The following CCDC14 variants were observed in gnomAD, a reference collection of about 807,000 sequenced individuals.
The protein encoded by CCDC14 is coiled-coil domain-containing protein 14.
CCDC14 carries 71 observed loss-of-function variants against 81.4 expected under a neutral mutation model. That is an observed-to-expected ratio of 0.87 (90% confidence interval 0.72 to 1.06). The LOEUF is 1.06. Among genes scored for constraint, CCDC14 ranks in the 50% least tolerant of loss-of-function variants. The probability of loss-of-function intolerance (pLI) is 0.00; values close to 1 mark genes in which losing one functional copy is unlikely to be tolerated. For missense variants in CCDC14, 1,046 were observed against 1,047.3 expected (o/e 1.00, Z 0.02); for synonymous variants, 332 against 364.8 (o/e 0.91, Z 1.03).
chr3:123,889,819 C>T, the CCDC14 span, among the ~76,000 whole-genome samples: 1 of 152,222 alleles, frequency 6.6e-6, no homozygotes, highest in Admixed American at 6.5e-5. Flanking sequence ...TGGAGGTTCT[C>T]CATAAGGCCT....
chr3:123,923,017 T>C (rs2035145244), intron 12 of CCDC14, among the ~76,000 whole-genome samples: 2 of 151,984 alleles, frequency 1.3e-5, no homozygotes, highest in East Asian at 3.9e-4. Flanking sequence ...GAACACAGAC[T>C]TAAAAAACCC....
chr3:123,926,468 CTA>C (rs1280399808), intron 12 of CCDC14, among the ~76,000 whole-genome samples: 1 of 150,192 alleles, frequency 6.7e-6, no homozygotes, highest in Non-Finnish European at 1.5e-5. Flanking sequence ...ATTTAAATAA[CTA>C]TGAGTACTTG....
chr3:123,937,800 A>G (rs998928701), intron 9 of CCDC14, among the ~76,000 whole-genome samples: 10 of 151,880 alleles, frequency 6.6e-5, no homozygotes, highest in Admixed American at 5.9e-4. Context: ...TAGTTTATAC[A>G]TTAAGATCTG....
the CCDC14 span, among the ~76,000 whole-genome samples, chr3:123,888,421 A>T: frequency 6.6e-6 from 1 of 152,202 alleles, no homozygotes; most frequent in Admixed American, 6.5e-5. Context: ...CAAAAAATAT[A>T]TATGGTGGCT....
intron 9 of CCDC14, among the ~76,000 whole-genome samples, chr3:123,939,848 G>A (rs1486988140): frequency 6.6e-6 from 1 of 151,800 alleles, no homozygotes; most frequent in Non-Finnish European, 1.5e-5. Flanking sequence ...AACTTACGAG[G>A]AAGTAAGAAA....
At chr3:123,913,326 C>T, downstream of CCDC14, 1 of 960,302 alleles carries the variant, frequency 1.0e-6, no homozygotes, top group South Asian at 4.8e-5. Context: ...ATGGCTGTTC[C>T]ATGTTAAGGG....
downstream of CCDC14, among the ~76,000 whole-genome samples, chr3:123,896,062 C>T (rs1286716002): frequency 2.0e-5 from 3 of 152,160 alleles, no homozygotes; most frequent in East Asian, 1.9e-4. Flanking sequence ...TGTGGTGCTA[C>T]GGTTTGAATA....
chr3:123,953,572 ACTTACTAG>A (rs1471075759), intron 5 of CCDC14: 2 of 152,218 alleles, frequency 1.3e-5, no homozygotes, highest in Non-Finnish European at 2.9e-5. Context: ...AGTAAGACTA[ACTTACTAG>A]CTTGTAAGAG....
rs372987415 is a variant in CCDC14 at position 123,948,681 on chromosome 3, C to A, written c.684+10G>T. On this transcript the variant is annotated intron_variant, in intron 7 of 12. Transcript: ENST00000409697. ...AATAGTTACTTATGTAGTATAAGAACTGTACGCACAGAATGAACCTTTGGA... is the reference window on the plus strand; with the variant it reads ...AATAGTTACTTATGTAGTATAAGAAATGTACGCACAGAATGAACCTTTGGA... The A allele has an allele frequency of 1.9e-6, 3 of 1,585,334 alleles. No homozygotes were observed. The highest frequency in any genetic ancestry group is 2.6e-6 in the Non-Finnish European group (3 of 1,167,304).
intron 12 of CCDC14, among the ~76,000 whole-genome samples, chr3:123,917,229 C>T (rs980253822): frequency 6.6e-6 from 1 of 151,250 alleles, no homozygotes; most frequent in Non-Finnish European, 1.5e-5. Context: ...CATGGTGGCT[C>T]ATGCCTGTAA....
the CCDC14 span, among the ~76,000 whole-genome samples, chr3:123,890,240 G>A: frequency 1.3e-5 from 2 of 152,230 alleles, no homozygotes; most frequent in African/African-American, 2.4e-5. Context: ...TTTGGGTGGG[G>A]ACACAGAGCC....
the CCDC14 span, among the ~76,000 whole-genome samples, chr3:123,887,749 C>A: frequency 6.6e-6 from 1 of 152,108 alleles, no homozygotes; most frequent in Non-Finnish European, 1.5e-5. Flanking sequence ...AATGTGGTTT[C>A]AAATACATAT....
intron 5 of CCDC14, 200 bp from the exon 6 acceptor site, chr3:123,949,332 C>A: frequency 1.8e-6 from 1 of 560,100 alleles, no homozygotes; most frequent in East Asian, 2.9e-5. Context: ...TTTCCCCAGT[C>A]AAAAATCATC....
At chr3:123,923,494 T>G (rs977710153) in intron 12 of CCDC14, among the ~76,000 whole-genome samples, 5 of 152,030 alleles carry the variant, frequency 3.3e-5, no homozygotes, top group Non-Finnish European at 7.4e-5. Flanking sequence ...AATTGTCTGT[T>G]TGCTGACACG....
chr3:123,918,793 C>T (rs1031113409), intron 12 of CCDC14, among the ~76,000 whole-genome samples: 14 of 152,288 alleles, frequency 9.2e-5, no homozygotes, highest in African/African-American at 2.4e-4. Flanking sequence ...CAGCTCATAG[C>T]GGCTACAGCA....
Position 123,913,735 on chromosome 3 carries a change from A to C in CCDC14, c.*1044T>G, listed in dbSNP as rs1306235681. On this transcript the variant is annotated 3_prime_UTR_variant, in exon 13 of 13. Transcript: ENST00000409697. Reference sequence around the variant, plus strand: ...GAGGAGGTTCTGGGATTAGGAGAACACTCTTTAATGATAAAGCCTGTCCAA... The same window carrying C: ...GAGGAGGTTCTGGGATTAGGAGAACCCTCTTTAATGATAAAGCCTGTCCAA... The C allele has an allele frequency of 4.1e-6, 4 of 984,912 alleles. No homozygotes were observed. The highest frequency in any genetic ancestry group is 5.2e-4 in the Middle Eastern group (1 of 1,914). The allele number at this position is 984,912 out of a possible 1,614,324, so 61.0% of individuals were successfully genotyped here. A position where few individuals can be genotyped will look rare whatever the true frequency, so the allele number is the denominator to read the frequency against.
downstream of CCDC14, among the ~76,000 whole-genome samples, chr3:123,908,786 T>C (rs1453131197): frequency 1.3e-5 from 2 of 152,024 alleles, no homozygotes; most frequent in African/African-American, 4.8e-5. Context: ...AGTGAAACAA[T>C]GATCACAAGC....
At chr3:123,956,833 T>C in intron 1 of CCDC14, 38 bp from the exon 2 acceptor site, 4 of 1,324,986 alleles carry the variant, frequency 3.0e-6, no homozygotes, top group Non-Finnish European at 4.1e-6. Flanking sequence ...AACAAATATT[T>C]TTCTATTATA....
intron 12 of CCDC14, among the ~76,000 whole-genome samples, chr3:123,917,092 C>T (rs2148792594): frequency 6.6e-6 from 1 of 151,976 alleles, no homozygotes; most frequent in Non-Finnish European, 1.5e-5. Flanking sequence ...ATCCACCCGC[C>T]TCGGCCTCCC....
Sources: gnomAD v4.1 joint callset for allele counts (sites outside exome capture counted in the v4.1 genomes callset) on GRCh38, gnomAD v4.1.1 for gene constraint, MANE v1.5 for transcripts, NCBI Gene and HGNC (gene_info 2026-07-23, HGNC 2026-07-21) for gene names.